Variants in PARD3B observed in about 807,000 individuals in gnomAD.
PARD3B encodes the protein partitioning defective 3 homolog B.
A neutral mutation model predicts 130.2 loss-of-function variants in PARD3B; 103 were observed. The observed-to-expected ratio is 0.79, with a 90% CI of 0.67 to 0.93. The LOEUF (loss-of-function observed/expected upper bound fraction) is 0.93. PARD3B is among the 40% of genes least tolerant of loss of function. PARD3B has a pLI of 0.00. For missense variants in PARD3B, 1,609 were observed against 1,499.2 expected (o/e 1.07, Z -1.21); for synonymous variants, 583 against 553.2 (o/e 1.05, Z -0.76).
chr2:205,474,981 G>C (rs533960967), intron 20 of PARD3B, among the ~76,000 whole-genome samples: 1 of 152,190 alleles, frequency 6.6e-6, no homozygotes, highest in East Asian at 1.9e-4. Context: ...ATTACCAGGA[G>C]GAATAGTTTT....
At chr2:205,031,143 G>A (rs536692488) in intron 3 of PARD3B, among the ~76,000 whole-genome samples, 5 of 152,230 alleles carry the variant, frequency 3.3e-5, no homozygotes, top group African/African-American at 1.2e-4. Flanking sequence ...AGCTGTGTAC[G>A]TGAAAGGAAC....
At chr2:204,761,124 G>A (rs2040879346) in intron 2 of PARD3B, among the ~76,000 whole-genome samples, 2 of 152,172 alleles carry the variant, frequency 1.3e-5, no homozygotes, top group Non-Finnish European at 2.9e-5. Context: ...AAACTTGTTA[G>A]GGGTGGAGCT....
At chr2:205,555,287 C>G (rs2052831338) in intron 22 of PARD3B, among the ~76,000 whole-genome samples, 1 of 152,146 alleles carries the variant, frequency 6.6e-6, no homozygotes, top group African/African-American at 2.4e-5. Flanking sequence ...CACCTTGTAT[C>G]TGGTGATCAC....
At chr2:205,156,409 T>G (rs944459598) in intron 10 of PARD3B, among the ~76,000 whole-genome samples, 1 of 151,562 alleles carries the variant, frequency 6.6e-6, no homozygotes, top group Non-Finnish European at 1.5e-5. Context: ...ACTTAAAGTA[T>G]AATAATAATA....
chr2:204,846,816 A>G (rs2044480109), intron 2 of PARD3B, among the ~76,000 whole-genome samples: 1 of 151,916 alleles, frequency 6.6e-6, no homozygotes, highest in African/African-American at 2.4e-5. Context: ...TTCTTATACC[A>G]GGAGATTCCG....
At chr2:205,302,680 C>T (rs1226688048) in intron 18 of PARD3B, among the ~76,000 whole-genome samples, 1 of 152,116 alleles carries the variant, frequency 6.6e-6, no homozygotes, top group Non-Finnish European at 1.5e-5. Context: ...CCCTCTGTGA[C>T]TCTAGGTGTG....
At chr2:205,612,315 G>A (rs1437079474) in intron 22 of PARD3B, among the ~76,000 whole-genome samples, 1 of 152,094 alleles carries the variant, frequency 6.6e-6, no homozygotes, top group Non-Finnish European at 1.5e-5. Flanking sequence ...ACCACGCCCA[G>A]CTAACTTTTG....
At chr2:204,858,657 T>A (rs2045056093) in intron 2 of PARD3B, among the ~76,000 whole-genome samples, 1 of 150,934 alleles carries the variant, frequency 6.6e-6, no homozygotes, top group East Asian at 1.9e-4. Context: ...AATGAATAGA[T>A]TATAGCTGTT....
At chr2:205,175,902 G>A (rs2035441238) in intron 12 of PARD3B, among the ~76,000 whole-genome samples, 1 of 152,120 alleles carries the variant, frequency 6.6e-6, no homozygotes, top group South Asian at 2.1e-4. Flanking sequence ...AATATAGGGG[G>A]GGAACCCTCA....
intron 3 of PARD3B, among the ~76,000 whole-genome samples, chr2:204,990,110 A>T (rs1165740747): frequency 6.6e-6 from 1 of 152,060 alleles, no homozygotes; most frequent in Non-Finnish European, 1.5e-5. Flanking sequence ...AATTTTCGCC[A>T]ATTTTATGGA....
At chr2:205,234,081 G>A (rs1047336655) in intron 15 of PARD3B, among the ~76,000 whole-genome samples, 5 of 152,144 alleles carry the variant, frequency 3.3e-5, no homozygotes, top group Non-Finnish European at 7.4e-5. Flanking sequence ...AAGATGGTAT[G>A]TTCAAGATCA....
intron 2 of PARD3B, among the ~76,000 whole-genome samples, chr2:204,693,787 T>C (rs1384595942): frequency 6.6e-6 from 1 of 152,042 alleles, no homozygotes; most frequent in African/African-American, 2.4e-5. Context: ...CAAAGCTTTT[T>C]TTCTTAATGT....
intron 3 of PARD3B, among the ~76,000 whole-genome samples, chr2:205,000,312 A>C (rs1452984899): frequency 1.3e-5 from 2 of 152,128 alleles, no homozygotes; most frequent in Non-Finnish European, 2.9e-5. Context: ...TTTTCTACTG[A>C]GTGAGCCTGC....
At chr2:205,553,285 A>G (rs1351049632) in intron 21 of PARD3B, 39 bp from the exon 22 acceptor site, 1 of 1,574,600 alleles carries the variant, frequency 6.4e-7, no homozygotes, top group Non-Finnish European at 8.7e-7. Context: ...ACCAAGGTGT[A>G]TAATGGATCT....
intron 11 of PARD3B, among the ~76,000 whole-genome samples, chr2:205,169,405 A>G (rs992323566): frequency 1.3e-5 from 2 of 152,150 alleles, no homozygotes; most frequent in Non-Finnish European, 2.9e-5. Flanking sequence ...TTAGAATGTA[A>G]CTGAAAATAA....
chr2:205,050,881 A>G (rs1699142423), intron 4 of PARD3B, among the ~76,000 whole-genome samples: 1 of 152,220 alleles, frequency 6.6e-6, no homozygotes, highest in South Asian at 2.1e-4. Context: ...CTCTTGGGCA[A>G]CAGTGCAATT....
chr2:204,789,435 A>G (rs956602946), intron 2 of PARD3B, among the ~76,000 whole-genome samples: 1 of 152,164 alleles, frequency 6.6e-6, no homozygotes, highest in African/African-American at 2.4e-5. Flanking sequence ...AGATACTGTA[A>G]CAATTATGTC....
chr2:204,934,992 T>C (rs1007865909), intron 2 of PARD3B, among the ~76,000 whole-genome samples: 5 of 152,178 alleles, frequency 3.3e-5, no homozygotes, highest in African/African-American at 1.2e-4. Context: ...GATCTTATTA[T>C]TTCTGCCCTC....
Position 205,575,332 on chromosome 2 carries a change from T to C in PARD3B, c.3260+21929T>C, listed in dbSNP as rs899755040. ...TTCCCTCATTACCAACATTCCCAAC[T>C]GCAGTGGTAAAACTGTTACATCTGA... On this transcript the variant is annotated intron_variant, in intron 22 of 22. Coordinates refer to ENST00000406610, the MANE Select transcript of PARD3B (RefSeq NM_001302769.2). This position sits in a 1 kb window ranked among gnomAD's most constrained non-coding sequence, Gnocchi z 4.6. Among the ~76,000 whole-genome samples the C allele has an allele frequency of 6.6e-6, 1 of 151,794 alleles. No homozygotes were observed. Among genetic ancestry groups the C allele is most frequent in the African/African-American group, 2.4e-5 (1 of 41,328 alleles).
Sources: allele counts gnomAD v4.1 joint callset (sites outside exome capture counted in the v4.1 genomes callset), GRCh38; gene constraint gnomAD v4.1.1; non-coding constraint Gnocchi (gnomAD v3.1); transcripts MANE v1.5; gene names NCBI Gene and HGNC (gene_info 2026-07-23, HGNC 2026-07-21).